FHIT: variants seen among roughly 807,000 people sequenced by gnomAD.
FHIT encodes bis(5'-adenosyl)-triphosphatase.
FHIT carries 19 observed loss-of-function variants against 17.9 expected under a neutral mutation model. The ratio of observed to expected loss-of-function variants is 1.06; its 90% CI spans 0.74 to 1.56. The LOEUF (loss-of-function observed/expected upper bound fraction) is 1.56. FHIT is among the 40% of genes most tolerant of loss of function. The probability of loss-of-function intolerance (pLI) is 0.00; values close to 1 mark genes in which losing one functional copy is unlikely to be tolerated. For synonymous variants in FHIT, 81 were observed against 69.7 expected (o/e 1.16, Z -0.81); for missense variants, 248 against 189.2 (o/e 1.31, Z -1.82).
At chr3:61,058,741 C>T (rs2034317480) in intron 2 of FHIT, among the ~76,000 whole-genome samples, 1 of 152,196 alleles carries the variant, frequency 6.6e-6, no homozygotes, top group Non-Finnish European at 1.5e-5. Context: ...TCAGGTAGTT[C>T]TTTATAGCAA....
intron 5 of FHIT, among the ~76,000 whole-genome samples, chr3:60,516,712 ATAT>A (rs1576797236): frequency 6.6e-6 from 1 of 152,230 alleles, no homozygotes; most frequent in East Asian, 1.9e-4. Context: ...CAGAGCATAA[ATAT>A]TATATGTTAG....
At chr3:59,877,493 G>A (rs1048284973) in intron 8 of FHIT, among the ~76,000 whole-genome samples, 5 of 152,156 alleles carry the variant, frequency 3.3e-5, no homozygotes, top group African/African-American at 1.2e-4. Context: ...GTGATCCATA[G>A]CATAAAGTGA....
At chr3:60,349,306 A>G (rs1253702390) in intron 5 of FHIT, among the ~76,000 whole-genome samples, 1 of 152,208 alleles carries the variant, frequency 6.6e-6, no homozygotes, top group Non-Finnish European at 1.5e-5. Context: ...TGTTCTAGGT[A>G]CTGAGAAGAT....
At chr3:60,627,328 A>ACC in intron 4 of FHIT, among the ~76,000 whole-genome samples, 2 of 152,208 alleles carry the variant, frequency 1.3e-5, no homozygotes, top group Non-Finnish European at 2.9e-5. Context: ...TATAAAAAAT[A>ACC]TATATTCAGT....
At chr3:61,208,080 G>C (rs550883223) in intron 1 of FHIT, among the ~76,000 whole-genome samples, 2 of 152,268 alleles carry the variant, frequency 1.3e-5, no homozygotes, top group Non-Finnish European at 2.9e-5. Flanking sequence ...GTACCCCATA[G>C]TCACTCAGGA....
chr3:60,328,147 C>T (rs1012764540), intron 5 of FHIT, among the ~76,000 whole-genome samples: 1 of 140,646 alleles, frequency 7.1e-6, no homozygotes, highest in African/African-American at 2.7e-5. Flanking sequence ...TGTAAGGGAG[C>T]ACAGGCAATG....
chr3:60,548,595 A>G (rs1225644494), intron 4 of FHIT, among the ~76,000 whole-genome samples: 1 of 152,184 alleles, frequency 6.6e-6, no homozygotes, highest in Non-Finnish European at 1.5e-5. Context: ...GAAGAAAAAG[A>G]GCGCATATTT....
intron 5 of FHIT, among the ~76,000 whole-genome samples, chr3:60,095,963 C>A (rs1057361181): frequency 5.3e-5 from 8 of 151,854 alleles, no homozygotes; most frequent in Non-Finnish European, 1.2e-4. Context: ...AGGTGGCTGG[C>A]TTTGAGAAGA....
At chr3:60,296,636 A>G (rs1248797935) in intron 5 of FHIT, among the ~76,000 whole-genome samples, 1 of 152,026 alleles carries the variant, frequency 6.6e-6, no homozygotes, top group Non-Finnish European at 1.5e-5. Context: ...AGTCTTTCAG[A>G]GAGAAATTTT....
At chr3:59,756,457 C>A (rs1411139711) in intron 8 of FHIT, among the ~76,000 whole-genome samples, 3 of 151,612 alleles carry the variant, frequency 2.0e-5, no homozygotes, top group African/African-American at 4.9e-5. Flanking sequence ...TAGTCAATAC[C>A]CCAGGAGTAT....
chr3:60,194,052 C>CA (rs1290961316), intron 5 of FHIT, among the ~76,000 whole-genome samples: 1 of 152,106 alleles, frequency 6.6e-6, no homozygotes, highest in Non-Finnish European at 1.5e-5. Flanking sequence ...CAATTCCTAT[C>CA]AAAAAACCAT....
intron 4 of FHIT, among the ~76,000 whole-genome samples, chr3:60,667,642 TTG>T (rs1485610129): frequency 4.6e-5 from 7 of 152,276 alleles, no homozygotes; most frequent in South Asian, 2.1e-4. Flanking sequence ...CTCATTCAAT[TTG>T]TGATTTTCTT....
intron 5 of FHIT, among the ~76,000 whole-genome samples, chr3:60,317,688 T>G (rs1709227725): frequency 1.3e-5 from 2 of 148,610 alleles, no homozygotes; most frequent in African/African-American, 5.0e-5. Flanking sequence ...TGTGCCAACA[T>G]GACAACAAGT....
intron 7 of FHIT, among the ~76,000 whole-genome samples, chr3:59,978,879 T>A (rs1047960017): frequency 2.0e-5 from 3 of 151,810 alleles, no homozygotes; most frequent in South Asian, 2.1e-4. Flanking sequence ...GTACACCAGG[T>A]TACTGCTTCC....
intron 5 of FHIT, among the ~76,000 whole-genome samples, chr3:60,365,505 G>A (rs183289097): frequency 5.3e-4 from 81 of 152,094 alleles, no homozygotes; most frequent in African/African-American, 1.9e-3. Flanking sequence ...TACCTAAATA[G>A]CCTAATGACT....
intron 8 of FHIT, among the ~76,000 whole-genome samples, chr3:59,844,963 T>A (rs1198056432): frequency 6.6e-6 from 1 of 152,164 alleles, no homozygotes; most frequent in East Asian, 1.9e-4. Flanking sequence ...GATCACTGAT[T>A]TAATCTCCTT....
intron 2 of FHIT, among the ~76,000 whole-genome samples, chr3:61,178,537 T>C (rs964365726): frequency 1.0e-4 from 9 of 88,736 alleles, no homozygotes; most frequent in African/African-American, 4.6e-4. Context: ...AGTGTGACAC[T>C]GAAGAAAAAA....
At chr3:61,042,196 G>T (rs2033552105) in intron 2 of FHIT, 97 bp from the exon 3 acceptor site, 1 of 151,916 alleles carries the variant, frequency 6.6e-6, no homozygotes, top group Non-Finnish European at 1.5e-5. Context: ...TTACGTAAAT[G>T]AAAAAAAACT....
chr3:59,788,967 AT>A (rs1235001697), intron 8 of FHIT, among the ~76,000 whole-genome samples: 3 of 148,154 alleles, frequency 2.0e-5, no homozygotes, highest in Non-Finnish European at 4.4e-5. Context: ...TGTTAAGAAG[AT>A]TATGCACATA....
Sources: gnomAD v4.1 joint callset for allele counts (sites outside exome capture counted in the v4.1 genomes callset) on GRCh38, gnomAD v4.1.1 for gene constraint, MANE v1.5 for transcripts, NCBI Gene and HGNC (gene_info 2026-07-23, HGNC 2026-07-21) for gene names.